Variants in VWA8 observed in about 807,000 individuals in gnomAD.
VWA8 encodes von Willebrand factor A domain-containing protein 8.
Under a neutral mutation model 241.5 loss-of-function variants are expected in VWA8, and 221 were observed. The observed-to-expected ratio is 0.91, with a 90% confidence interval of 0.82 to 1.02. The LOEUF (loss-of-function observed/expected upper bound fraction) is 1.02, where lower values mean the gene tolerates loss of function less well. Ranked by LOEUF, VWA8 falls within the 50% of genes least tolerant of loss-of-function variation. The pLI is 0.00. For synonymous variants in VWA8, 852 were observed against 827.1 expected (o/e 1.03, Z -0.52); for missense variants, 2,322 against 2,328.7 (o/e 1.00, Z 0.06).
chr13:41,858,943 G>A (rs1241751043), intron 12 of VWA8, among the ~76,000 whole-genome samples: 1 of 152,096 alleles, frequency 6.6e-6, no homozygotes, highest in Non-Finnish European at 1.5e-5. Flanking sequence ...TGGGCAGGGT[G>A]CTTCACACTT....
At chr13:41,712,413 G>A (rs1303151698) in intron 26 of VWA8, among the ~76,000 whole-genome samples, 3 of 152,074 alleles carry the variant, frequency 2.0e-5, no homozygotes, top group African/African-American at 7.2e-5. Flanking sequence ...AAGATAATCT[G>A]CTCAGATTTT....
chr13:41,587,035 T>C (rs7338084), intron 42 of VWA8, among the ~76,000 whole-genome samples: 28,757 of 151,386 alleles, frequency 0.19, 2,736 homozygotes, highest in African/African-American at 0.21. Flanking sequence ...ATGGAAACAG[T>C]TGAAATGGAA....
intron 12 of VWA8, among the ~76,000 whole-genome samples, chr13:41,842,826 T>C (rs1306256763): frequency 6.6e-6 from 1 of 152,200 alleles, no homozygotes; most frequent in African/African-American, 2.4e-5. Context: ...GTTCTATTCA[T>C]GAACCAGGTT....
chr13:41,888,516 C>T (rs17534895), intron 5 of VWA8, among the ~76,000 whole-genome samples: 1 of 152,150 alleles, frequency 6.6e-6, no homozygotes, highest in Non-Finnish European at 1.5e-5. Context: ...GCTGCTTCAC[C>T]AACACTACTC....
intron 12 of VWA8, among the ~76,000 whole-genome samples, chr13:41,834,019 A>G (rs920072896): frequency 5.3e-5 from 8 of 152,208 alleles, no homozygotes; most frequent in Admixed American, 1.3e-4. Flanking sequence ...TTTCCTGAAA[A>G]GCTATGCTAG....
intron 37 of VWA8, among the ~76,000 whole-genome samples, chr13:41,617,787 G>A (rs1360071856): frequency 2.6e-5 from 4 of 151,746 alleles, no homozygotes; most frequent in African/African-American, 9.7e-5. Flanking sequence ...ATGGTTTCCA[G>A]CTTCATCCAT....
chr13:41,719,494 G>C, intron 26 of VWA8, 97 bp downstream of exon 26: 1 of 1,582,462 alleles, frequency 6.3e-7, no homozygotes, highest in Non-Finnish European at 8.6e-7. Flanking sequence ...CTTACTCATG[G>C]AAAGTAATTT....
At chr13:41,641,435 A>C (rs962168008) in intron 37 of VWA8, among the ~76,000 whole-genome samples, 1 of 152,224 alleles carries the variant, frequency 6.6e-6, no homozygotes, top group Non-Finnish European at 1.5e-5. Context: ...TGCTAGTCCC[A>C]GTCAGGTAGA....
At chr13:41,889,117 T>C (rs189305100) in intron 5 of VWA8, among the ~76,000 whole-genome samples, 1 of 152,330 alleles carries the variant, frequency 6.6e-6, no homozygotes, top group East Asian at 1.9e-4. Context: ...AGATATTAAA[T>C]TTAGAATATC....
At chr13:41,808,376 T>C (rs1870316642) in intron 17 of VWA8, among the ~76,000 whole-genome samples, 1 of 152,178 alleles carries the variant, frequency 6.6e-6, no homozygotes, top group South Asian at 2.1e-4. Flanking sequence ...TCTTGTCTTA[T>C]GGGGAGGCTT....
chr13:41,859,129 G>A (rs1872892873), intron 12 of VWA8, among the ~76,000 whole-genome samples: 1 of 145,694 alleles, frequency 6.9e-6, no homozygotes, highest in East Asian at 2.0e-4. Flanking sequence ...AAGCCTCCAA[G>A]GTCCAACGTT....
intron 14 of VWA8, among the ~76,000 whole-genome samples, chr13:41,822,779 G>A (rs1446360768): frequency 6.6e-6 from 1 of 152,054 alleles, no homozygotes; most frequent in Admixed American, 6.6e-5. Flanking sequence ...CAGTAAAAGG[G>A]AACAAACTAT....
chr13:41,577,211 A>G (rs1357529260), intron 42 of VWA8, among the ~76,000 whole-genome samples: 1 of 152,204 alleles, frequency 6.6e-6, no homozygotes, highest in Non-Finnish European at 1.5e-5. Flanking sequence ...TGGTCAGAGG[A>G]GGGCCAGAGT....
At chr13:41,668,217 G>C (rs942706725) in intron 37 of VWA8, among the ~76,000 whole-genome samples, 1 of 152,172 alleles carries the variant, frequency 6.6e-6, no homozygotes, top group African/African-American at 2.4e-5. Flanking sequence ...TATTTGCCCA[G>C]CCCTCACTGC....
intron 2 of VWA8, among the ~76,000 whole-genome samples, chr13:41,942,200 A>G (rs1481291345): frequency 2.0e-5 from 3 of 152,218 alleles, no homozygotes; most frequent in African/African-American, 7.2e-5. Context: ...AAAACCTATT[A>G]AAATAACACA....
chr13:41,843,425 C>T (rs575649331), intron 12 of VWA8, among the ~76,000 whole-genome samples: 137 of 152,126 alleles, frequency 9.0e-4, no homozygotes, highest in South Asian at 1.9e-3. Flanking sequence ...TCTAACATCA[C>T]GGCTAGAGGA....
intron 14 of VWA8, among the ~76,000 whole-genome samples, chr13:41,822,477 C>A (rs1222963816): frequency 1.3e-5 from 2 of 152,054 alleles, no homozygotes; most frequent in African/African-American, 4.8e-5. Context: ...TTTTTATCAC[C>A]CAGGGTCTAG....
At chr13:41,849,923 C>G (rs943820415) in intron 12 of VWA8, among the ~76,000 whole-genome samples, 2 of 151,862 alleles carry the variant, frequency 1.3e-5, no homozygotes, top group Non-Finnish European at 2.9e-5. Context: ...AACAGAAGTG[C>G]TGCCTAATGG....
At position 41,611,560 on chromosome 13, in the gene VWA8, T is replaced by C. The variant is rs3814782; in HGVS notation, c.4877+16A>G. 469,885 of 1,612,730 alleles carry C rather than the reference T, an allele frequency of 0.29. 70,687 individuals are homozygous for C. The highest frequency in any genetic ancestry group is 0.42 in the East Asian group (18,999 of 44,818). On this transcript the variant is annotated intron_variant, in intron 39 of 44. Coordinates refer to ENST00000379310, the MANE Select transcript of VWA8 (RefSeq NM_015058.2). ...CATAGCAGTAGTGCTGGTCTAAATG[T>C]GATGGGAGCACTGACCTCTGCTGGA...
Sources: gnomAD v4.1 joint callset for allele counts (sites outside exome capture counted in the v4.1 genomes callset) on GRCh38, gnomAD v4.1.1 for gene constraint, MANE v1.5 for transcripts, NCBI Gene and HGNC (gene_info 2026-07-23, HGNC 2026-07-21) for gene names.